The following RAB11FIP4 variants were observed in gnomAD, a reference collection of about 807,000 sequenced individuals.
RAB11FIP4 encodes the protein rab11 family-interacting protein 4.
A neutral mutation model predicts 74.3 loss-of-function variants in RAB11FIP4; 23 were observed. The ratio of observed to expected loss-of-function variants is 0.31; its 90% CI spans 0.22 to 0.44. RAB11FIP4 has a LOEUF of 0.44. Ranked by LOEUF, RAB11FIP4 falls within the 20% of genes least tolerant of loss-of-function variation. The pLI is 1.00. For synonymous variants in RAB11FIP4, 360 were observed against 359.9 expected (o/e 1.00, Z 0.00); for missense variants, 630 against 863.9 (o/e 0.73, Z 3.39).
rs141904258 is a variant in RAB11FIP4 at position 31,468,557 on chromosome 17, A to G, written c.336+34435A>G. On this transcript the variant is annotated intron_variant, in intron 3 of 14. Transcript: ENST00000621161. The stretch of plus-strand genomic sequence containing the variant: ...TAAGGTAAAGAATTTCTGGCTGGGC[A>G]CTGTGTCTCATGCCTGTAATCCCAG... Among the ~76,000 whole-genome samples the G allele has an allele frequency of 2.8e-3, 425 of 152,276 alleles. 3 individuals are homozygous for G. The highest frequency in any genetic ancestry group is 9.1e-3 in the African/African-American group (378 of 41,566).
Position 31,537,377 on chromosome 17 carries a change from T to C in RAB11FIP4, c.*5645T>C, listed in dbSNP as rs1260355896. On this transcript the variant is annotated 3_prime_UTR_variant, in exon 15 of 15. Coordinates refer to ENST00000621161, the MANE Select transcript of RAB11FIP4 (RefSeq NM_032932.6). ...TTGTACAGAATCTTTCATTATTGTC[T>C]TAAGCATGGGGGGCTAGGACCCACT... The C allele has an allele frequency of 2.5e-6, 1 of 396,888 alleles. No individual in the cohort carries two copies. The highest frequency in any genetic ancestry group is 4.4e-6 in the Non-Finnish European group (1 of 225,186). 24.6% of individuals were successfully genotyped at this position (396,888 alleles called of 1,614,324 possible).
intron 3 of RAB11FIP4, among the ~76,000 whole-genome samples, chr17:31,475,450 T>C (rs1485787430): frequency 6.6e-6 from 1 of 152,238 alleles, no homozygotes; most frequent in Admixed American, 6.5e-5. Context: ...TAAAAAGATG[T>C]GAGCTGTTGC....
chr17:31,411,828 T>C (rs550915460), intron 1 of RAB11FIP4, among the ~76,000 whole-genome samples: 2 of 152,368 alleles, frequency 1.3e-5, no homozygotes, highest in East Asian at 3.9e-4. Context: ...TGAGGACAGC[T>C]ACTCAGACTG....
chr17:31,421,852 C>T (rs1258823079), intron 1 of RAB11FIP4, among the ~76,000 whole-genome samples: 10 of 152,220 alleles, frequency 6.6e-5, no homozygotes, highest in South Asian at 4.1e-4. Flanking sequence ...TGAGCCACCA[C>T]GCCCGGCAAG....
intron 13 of RAB11FIP4, among the ~76,000 whole-genome samples, 194 bp downstream of exon 13, chr17:31,528,972 C>T (rs754375147): frequency 1.1e-4 from 16 of 152,302 alleles, no homozygotes; most frequent in East Asian, 5.8e-4. Flanking sequence ...CTCTCCCTTA[C>T]GTCTATGTAA....
At position 31,536,929 on chromosome 17, in the gene RAB11FIP4, C is replaced by T. The variant is rs1362686380; in HGVS notation, c.*5197C>T. 3 of 399,026 alleles carry T rather than the reference C, an allele frequency of 7.5e-6. No individual in the cohort carries two copies. Among genetic ancestry groups the T allele is most frequent in the Non-Finnish European group, 1.3e-5 (3 of 226,118 alleles). 24.7% of individuals were successfully genotyped at this position (399,026 alleles called of 1,614,324 possible). On this transcript the variant is annotated 3_prime_UTR_variant, in exon 15 of 15. Coordinates refer to ENST00000621161, the MANE Select transcript of RAB11FIP4 (RefSeq NM_032932.6). ...GGTTTCCCATATGACCTCCCTGCCC[C>T]GACCTCGTAGGTTGCTCCTTTCCCC...
intron 3 of RAB11FIP4, among the ~76,000 whole-genome samples, chr17:31,468,673 A>T (rs988285635): frequency 6.6e-6 from 1 of 152,154 alleles, no homozygotes; most frequent in Non-Finnish European, 1.5e-5. Flanking sequence ...TACTAAAAGT[A>T]CAAAAAATTA....
chr17:31,515,482 G>C (rs768462880), intron 3 of RAB11FIP4, among the ~76,000 whole-genome samples: 1 of 118,510 alleles, frequency 8.4e-6, no homozygotes, highest in African/African-American at 2.6e-5. Flanking sequence ...TTAGCCCAGG[G>C]GTCTCCTGGT....
Position 31,537,042 on chromosome 17 carries a change from C to T in RAB11FIP4, c.*5310C>T. ...TCCTGCAGGATCCAAGTGCTGTTGT[C>T]CCCAGGGTGACCCTGCCTCCTGCTG... On this transcript the variant is annotated 3_prime_UTR_variant, in exon 15 of 15. Transcript: ENST00000621161. The T allele has an allele frequency of 2.5e-6, 1 of 399,384 alleles. No homozygotes were observed. The highest frequency in any genetic ancestry group is 4.4e-6 in the Non-Finnish European group (1 of 226,268). The allele number at this position is 399,384 out of a possible 1,614,324, so 24.7% of individuals were successfully genotyped here.
intron 3 of RAB11FIP4, among the ~76,000 whole-genome samples, chr17:31,441,134 C>T (rs1444036107): frequency 2.0e-5 from 3 of 152,014 alleles, no homozygotes; most frequent in African/African-American, 7.2e-5. Flanking sequence ...AAGCGATTCC[C>T]CTGCCTCAGC....
chr17:31,468,530 T>C (rs1358204585), intron 3 of RAB11FIP4, among the ~76,000 whole-genome samples: 1 of 152,138 alleles, frequency 6.6e-6, no homozygotes, highest in Non-Finnish European at 1.5e-5. Context: ...TAGAGCCCTT[T>C]TTAAGGTAAA....
Position 31,523,549 on chromosome 17 carries a change from G to A in RAB11FIP4, c.967G>A (p.Gly323Ser), listed in dbSNP as rs2072707913. The A allele has an allele frequency of 6.2e-7, 1 of 1,614,010 alleles. No homozygotes were observed. The highest frequency in any genetic ancestry group is 1.3e-5 in the African/African-American group (1 of 74,912). Residue 323 changes from glycine (G) to serine (S), a missense_variant, in exon 8 of 15, where the codon GGC becomes AGC. Coordinates refer to ENST00000621161, the MANE Select transcript of RAB11FIP4 (RefSeq NM_032932.6). ...MHSSNFSSSN[G>S]STEDLFRDSI... ...CAGCAGCAACTTCAGCAGCAGCAAT[G>A]GCAGCACCGAAGACCTGTTCCGGGA...
chr17:31,421,525 T>G (rs951449583), intron 1 of RAB11FIP4, among the ~76,000 whole-genome samples: 8 of 149,260 alleles, frequency 5.4e-5, no homozygotes, highest in African/African-American at 1.7e-4. Flanking sequence ...TGAGACTGAT[T>G]TTTAGTTTAA....
At position 31,462,323 on chromosome 17, in the gene RAB11FIP4, T is replaced by C. The variant is rs1053244240; in HGVS notation, c.336+28201T>C. Among the ~76,000 whole-genome samples the C allele has an allele frequency of 3.3e-5, 5 of 151,446 alleles. No individual in the cohort carries two copies. The East Asian group carries it at 9.6e-4, about 29-fold the overall frequency. On this transcript the variant is annotated intron_variant, in intron 3 of 14. Coordinates refer to ENST00000621161, the MANE Select transcript of RAB11FIP4 (RefSeq NM_032932.6). ...CCTAGGTTCTACCTCCAAATTCTGATGTAATTGGTCTGAAGTTTGGCTTGG... is the reference window on the plus strand; with the variant it reads ...CCTAGGTTCTACCTCCAAATTCTGACGTAATTGGTCTGAAGTTTGGCTTGG...
chr17:31,444,582 G>A (rs1349323576), intron 3 of RAB11FIP4, among the ~76,000 whole-genome samples: 2 of 151,972 alleles, frequency 1.3e-5, no homozygotes, highest in Admixed American at 1.3e-4. Context: ...CCCTAGAGAC[G>A]CTAAGCTGAG....
intron 1 of RAB11FIP4, among the ~76,000 whole-genome samples, chr17:31,395,415 G>A (rs1376316433): frequency 6.6e-6 from 1 of 152,190 alleles, no homozygotes; most frequent in Admixed American, 6.5e-5. Context: ...AACAGCAACT[G>A]TATAGTGGAG....
intron 1 of RAB11FIP4, chr17:31,431,470 G>C (rs972291770): frequency 4.3e-6 from 1 of 234,546 alleles, no homozygotes; most frequent in African/African-American, 2.3e-5. Context: ...CAATGAGTTT[G>C]TGTCTGTTTT....
chr17:31,448,376 C>A (rs1460845640), intron 3 of RAB11FIP4: 2 of 138,240 alleles, frequency 1.4e-5, no homozygotes, highest in African/African-American at 2.9e-5. Context: ...CAGGCTCATA[C>A]CACCACATCC....
At chr17:31,422,488 A>C (rs962882483) in intron 1 of RAB11FIP4, among the ~76,000 whole-genome samples, 2 of 151,954 alleles carry the variant, frequency 1.3e-5, no homozygotes, top group African/African-American at 4.8e-5. Context: ...TCTCCTTTCA[A>C]TTTTATTAGT....
Sources: allele counts gnomAD v4.1 joint callset (sites outside exome capture counted in the v4.1 genomes callset), GRCh38; gene constraint gnomAD v4.1.1; transcripts MANE v1.5; gene names NCBI Gene and HGNC (gene_info 2026-07-23, HGNC 2026-07-21).